TUBGCP2: variants seen among roughly 807,000 people sequenced by gnomAD.
TUBGCP2 encodes the protein gamma-tubulin complex component 2.
Under a neutral mutation model 92.2 loss-of-function variants are expected in TUBGCP2, and 55 were observed. The observed-to-expected ratio is 0.60, with a 90% CI of 0.48 to 0.75. The LOEUF is 0.75. Ranked by LOEUF, TUBGCP2 falls within the 30% of genes least tolerant of loss-of-function variation. The pLI is 0.00. For synonymous variants in TUBGCP2, 533 were observed against 505.2 expected (o/e 1.06, Z -0.74); for missense variants, 1,093 against 1,188.9 (o/e 0.92, Z 1.19).
In TUBGCP2 at chr10:133,292,510, G is replaced by A. The variant is rs76511868; in HGVS notation, c.1203C>T (p.His401=). 2,235 of 1,557,264 alleles carry A rather than the reference G, an allele frequency of 1.4e-3. 49 individuals are homozygous for A. The highest frequency in any genetic ancestry group is 3.6e-3 in the South Asian group (322 of 89,794). ...LEKWIYRGII[H]DPYSEFMVEE... ...CCGGGGAGCCCTACCTGTATGGGTCGTGGATGATGCCCCTGTAGATCCACT... is the reference window on the plus strand; with the variant it reads ...CCGGGGAGCCCTACCTGTATGGGTCATGGATGATGCCCCTGTAGATCCACT... Residue 401 remains histidine (H), a synonymous_variant, in exon 8 of 18, where the codon CAC becomes CAT. Coordinates refer to ENST00000252936, the MANE Select transcript of TUBGCP2 (RefSeq NM_006659.4).
In TUBGCP2 at chr10:133,285,029, CAG is replaced by C. The variant is rs893802780; in HGVS notation, c.2024+54_2024+55del. 3 of 1,550,990 alleles carry C rather than the reference CAG, an allele frequency of 1.9e-6. No individual in the cohort carries two copies. In the African/African-American group the frequency reaches 4.1e-5, roughly 21 times the overall value. Reference sequence around the variant, plus strand: ...ACAAGGGGGGCGCTGCACCACTGGGCAGAGTGCAGCGAGCGCTGCTTCAGGAG... The same window carrying C: ...ACAAGGGGGGCGCTGCACCACTGGGCAGTGCAGCGAGCGCTGCTTCAGGAG... On this transcript the variant is annotated intron_variant, in intron 13 of 17. Coordinates refer to ENST00000252936, the MANE Select transcript of TUBGCP2 (RefSeq NM_006659.4). The surrounding 1 kb of genome is among the most constrained non-coding windows in gnomAD (Gnocchi z 6.8).
chr10:133,294,568 G>C (rs1847446277), intron 5 of TUBGCP2, among the ~76,000 whole-genome samples: 1 of 145,518 alleles, frequency 6.9e-6, no homozygotes, highest in Non-Finnish European at 1.5e-5. Context: ...AAGCCCTTCA[G>C]CGAAAGCCTC....
Position 133,298,648 on chromosome 10 carries a change from G to T in TUBGCP2, c.457-537C>A, listed in dbSNP as rs542129162. The stretch of plus-strand genomic sequence containing the variant: ...CGCCAGAGGCTGATGGGGTCGGCCT[G>T]GGCTGGCCCAGCTTTCGGAAGCACT... On this transcript the variant is annotated intron_variant, in intron 4 of 17. Coordinates refer to ENST00000252936, the MANE Select transcript of TUBGCP2 (RefSeq NM_006659.4). Among the ~76,000 whole-genome samples the T allele has an allele frequency of 3.1e-3, 473 of 152,386 alleles. 3 individuals carry two copies. Among genetic ancestry groups the T allele is most frequent in the African/African-American group, 0.011 (459 of 41,596 alleles).
chr10:133,312,089 A>G (rs1394520278), upstream of TUBGCP2: 5 of 1,454,788 alleles, frequency 3.4e-6, no homozygotes, highest in East Asian at 2.5e-5. Flanking sequence ...ACTTTTCCTC[A>G]TTGTCTGAGT....
intron 5 of TUBGCP2, chr10:133,297,409 A>C (rs1014048692): frequency 2.2e-6 from 1 of 452,306 alleles, no homozygotes; most frequent in Non-Finnish European, 4.4e-6. Context: ...AAAGAACTAA[A>C]AATAAATAAA....
upstream of TUBGCP2, chr10:133,309,137 G>A: frequency 7.2e-7 from 1 of 1,385,612 alleles, no homozygotes; most frequent in South Asian, 1.8e-5. Context: ...GTAGGATCCA[G>A]TGGGGCCTAC....
At chr10:133,293,480 G>C in intron 6 of TUBGCP2, 82 bp downstream of exon 6, 1 of 1,465,208 alleles carries the variant, frequency 6.8e-7, no homozygotes, top group Non-Finnish European at 9.3e-7. Flanking sequence ...AAGCGATGCA[G>C]ACGTCCCCAT....
chr10:133,303,745 C>T (rs941791574), intron 1 of TUBGCP2, among the ~76,000 whole-genome samples: 3 of 152,104 alleles, frequency 2.0e-5, no homozygotes, highest in East Asian at 3.9e-4. Context: ...CTTGCCCAAG[C>T]GTGGCTACCG....
At chr10:133,297,376 C>T (rs756784878) in intron 5 of TUBGCP2, 98 of 442,648 alleles carry the variant, frequency 2.2e-4, no homozygotes, top group African/African-American at 1.7e-3. Context: ...TCAGCCTGGG[C>T]GACAGAGCGA....
intron 2 of TUBGCP2, among the ~76,000 whole-genome samples, chr10:133,301,439 C>T (rs1847651781): frequency 6.6e-6 from 1 of 151,972 alleles, no homozygotes; most frequent in Admixed American, 6.6e-5. Context: ...TTATGTTTTA[C>T]TCAGTGATTT....
rs760397160 is a variant in TUBGCP2 at position 133,283,217 on chromosome 10, G to A, written c.2150C>T (p.Ser717Phe). 15 of 1,614,100 alleles carry A rather than the reference G, an allele frequency of 9.3e-6. No individual in the cohort carries two copies. Among genetic ancestry groups the A allele is most frequent in the Admixed American group, 8.3e-5 (5 of 60,014 alleles). The change falls in exon 15 of 18, where the codon TCC becomes TTC. Residue 717 changes from serine to phenylalanine, a missense_variant. Physicochemically the swap from Ser to Phe is radical, Grantham distance 155. This residue lies in a region of TUBGCP2 where 598 missense variants were observed against 675.5 expected (regional missense o/e 0.89). Coordinates refer to ENST00000252936, the MANE Select transcript of TUBGCP2 (RefSeq NM_006659.4). ...HILEKNLKSA[S>F]NIDDVLGHHT... ...GTGGCCAAGGACGTCGTCAATGTTGGAGGCCTGCGGGGAACAGGCCAAGCC... is the reference window on the plus strand; with the variant it reads ...GTGGCCAAGGACGTCGTCAATGTTGAAGGCCTGCGGGGAACAGGCCAAGCC...
At position 133,283,891 on chromosome 10, in the gene TUBGCP2, G is replaced by A. The variant is rs1006569826; in HGVS notation, c.2136C>T (p.Asn712=). Residue 712 remains asparagine (N), a synonymous_variant, in exon 14 of 18, where the codon AAC becomes AAT. Coordinates refer to ENST00000252936, the MANE Select transcript of TUBGCP2 (RefSeq NM_006659.4). ...TGGAGCTAAAACTCACGGATTTCAGGTTTTTCTCCAGGATGTGCCAGGTCG... is the reference window on the plus strand; with the variant it reads ...TGGAGCTAAAACTCACGGATTTCAGATTTTTCTCCAGGATGTGCCAGGTCG... ...MEPTWHILEK[N]LKSASNIDDV... 1 of 1,613,988 alleles carries A rather than the reference G, an allele frequency of 6.2e-7. No individual in the cohort carries two copies. Among genetic ancestry groups the A allele is most frequent in the Non-Finnish European group, 8.5e-7 (1 of 1,179,942 alleles).
chr10:133,289,714 G>A, intron 9 of TUBGCP2, 110 bp downstream of exon 9: 1 of 1,302,006 alleles, frequency 7.7e-7, no homozygotes, highest in Non-Finnish European at 1.0e-6. Flanking sequence ...CCAGGGCTCA[G>A]GGCAACCACA....
At chr10:133,295,887 A>G (rs1431916836) in intron 5 of TUBGCP2, 1 of 152,518 alleles carries the variant, frequency 6.6e-6, no homozygotes, top group East Asian at 1.9e-4. Context: ...CGGCATGAAC[A>G]CCACAGTGAG....
intron 8 of TUBGCP2, 124 bp downstream of exon 8, chr10:133,292,375 C>CCGTGTCCCT (rs1847366411): frequency 4.7e-5 from 4 of 85,664 alleles, no homozygotes; most frequent in Non-Finnish European, 6.9e-5. Context: ...CTCCGTGTCC[C>CCGTGTCCCT]CCGTGTCCCC....
chr10:133,309,399 G>T (rs763138340), upstream of TUBGCP2: 2 of 1,611,748 alleles, frequency 1.2e-6, no homozygotes, highest in South Asian at 1.1e-5. Flanking sequence ...GGATGGGGAC[G>T]TGCAGCGCCA....
At chr10:133,309,129 A>T (rs745565613), upstream of TUBGCP2, 17 of 1,359,196 alleles carry the variant, frequency 1.3e-5, no homozygotes, top group Non-Finnish European at 1.6e-5. Context: ...AAGTAGTTGT[A>T]GGATCCAGTG....
chr10:133,309,528 C>G (rs373750326), upstream of TUBGCP2: 2 of 1,539,494 alleles, frequency 1.3e-6, no homozygotes, highest in Admixed American at 1.8e-5. Context: ...GGTGCCTGGT[C>G]CCTGGGGCTG....
chr10:133,288,081 C>G, intron 11 of TUBGCP2, 48 bp downstream of exon 11: 1 of 1,578,964 alleles, frequency 6.3e-7, no homozygotes, highest in Non-Finnish European at 8.6e-7. Flanking sequence ...CCTCCCAGCC[C>G]CTCCGAGGCC....
Sources: gnomAD v4.1 joint callset for allele counts (sites outside exome capture counted in the v4.1 genomes callset) on GRCh38, gnomAD v4.1.1 for gene constraint, gnomAD v4.1.1 regional missense constraint, Gnocchi (gnomAD v3.1) non-coding constraint, MANE v1.5 for transcripts, NCBI Gene and HGNC (gene_info 2026-07-23, HGNC 2026-07-21) for gene names.